The following PTPRM variants were observed in gnomAD, a reference collection of about 807,000 sequenced individuals.
PTPRM encodes protein tyrosine phosphatase receptor type M.
PTPRM carries 47 observed loss-of-function variants against 186.7 expected under a neutral mutation model. The ratio of observed to expected loss-of-function variants is 0.25; its 90% CI spans 0.20 to 0.32. PTPRM has a LOEUF of 0.32. PTPRM is among the 10% of genes least tolerant of loss of function. The probability of loss-of-function intolerance (pLI) is 1.00; values close to 1 mark genes in which losing one functional copy is unlikely to be tolerated. For synonymous variants in PTPRM, 668 were observed against 674.9 expected (o/e 0.99, Z 0.16); for missense variants, 1,494 against 1,865.0 (o/e 0.80, Z 3.66).
At chr18:7,938,574 T>G (rs542927449) in intron 5 of PTPRM, among the ~76,000 whole-genome samples, 2 of 152,332 alleles carry the variant, frequency 1.3e-5, no homozygotes, top group South Asian at 4.1e-4. Context: ...AGTTGGGATA[T>G]TTGATTTTAA....
chr18:8,355,781 G>A (rs1298472592), intron 23 of PTPRM, among the ~76,000 whole-genome samples: 1 of 152,208 alleles, frequency 6.6e-6, no homozygotes, highest in Non-Finnish European at 1.5e-5. Context: ...AGCTCAAAAT[G>A]TTGATGTGAA....
At chr18:7,656,170 G>A (rs1280079003) in intron 1 of PTPRM, among the ~76,000 whole-genome samples, 1 of 152,192 alleles carries the variant, frequency 6.6e-6, no homozygotes, top group African/African-American at 2.4e-5. Flanking sequence ...AAAGGTAGAA[G>A]AAACCCCAGG....
At chr18:7,813,761 CT>C (rs34152885) in intron 2 of PTPRM, among the ~76,000 whole-genome samples, 2 of 149,690 alleles carry the variant, frequency 1.3e-5, no homozygotes, top group Non-Finnish European at 3.0e-5. Context: ...ATTTTTTCAT[CT>C]TTTTTTCCCC....
At chr18:8,393,392 T>C (rs185330850) in intron 31 of PTPRM, among the ~76,000 whole-genome samples, 10 of 152,356 alleles carry the variant, frequency 6.6e-5, no homozygotes, top group African/African-American at 2.2e-4. Context: ...TCTACTTCTG[T>C]GTTCTACATT....
intron 21 of PTPRM, among the ~76,000 whole-genome samples, chr18:8,318,337 C>T (rs2095324364): frequency 7.6e-6 from 1 of 130,740 alleles, no homozygotes; most frequent in South Asian, 2.5e-4. Context: ...CACTTTGTCA[C>T]CCAGGCTGAA....
intron 1 of PTPRM, among the ~76,000 whole-genome samples, chr18:7,665,385 T>G (rs1223571471): frequency 6.6e-6 from 1 of 152,156 alleles, no homozygotes; most frequent in Middle Eastern, 3.2e-3. Flanking sequence ...TTATGTGTAT[T>G]TTGAGATATT....
At chr18:7,981,220 C>T (rs1331752730) in intron 7 of PTPRM, among the ~76,000 whole-genome samples, 1 of 152,154 alleles carries the variant, frequency 6.6e-6, no homozygotes, top group African/African-American at 2.4e-5. Context: ...CTCAGGGAGG[C>T]TTTCCCTAAG....
At chr18:7,814,467 G>A (rs1598851341) in intron 2 of PTPRM, 1 of 152,196 alleles carries the variant, frequency 6.6e-6, no homozygotes, top group East Asian at 1.9e-4. Context: ...ATTTCAACAG[G>A]GGGTAATGAG....
At chr18:7,772,764 C>G (rs1467669295) in intron 1 of PTPRM, among the ~76,000 whole-genome samples, 1 of 152,080 alleles carries the variant, frequency 6.6e-6, no homozygotes, top group African/African-American at 2.4e-5. Context: ...TTTTACTTAT[C>G]TTCTTGCCAA....
intron 2 of PTPRM, among the ~76,000 whole-genome samples, chr18:7,850,677 A>G (rs906894540): frequency 2.6e-5 from 4 of 152,244 alleles, no homozygotes; most frequent in Non-Finnish European, 5.9e-5. Flanking sequence ...ACTGAAGCCA[A>G]GCTTCTGATC....
intron 1 of PTPRM, among the ~76,000 whole-genome samples, chr18:7,772,335 TTCTTTCTTTCTTTC>T (rs1292770441): frequency 0.012 from 1,634 of 141,180 alleles, 30 homozygotes; most frequent in Non-Finnish European, 0.017. Context: ...GTTCTTTCTT[TTCTTTCTTTCTTTC>T]TCTTTCTTTC....
intron 19 of PTPRM, among the ~76,000 whole-genome samples, chr18:8,262,322 T>A (rs1396675277): frequency 6.6e-6 from 1 of 152,242 alleles, no homozygotes; most frequent in Non-Finnish European, 1.5e-5. Flanking sequence ...ATGGATGTTA[T>A]CATGTTTGAC....
chr18:7,630,324 G>A (rs903925310), intron 1 of PTPRM, among the ~76,000 whole-genome samples: 26 of 152,254 alleles, frequency 1.7e-4, no homozygotes, highest in African/African-American at 6.0e-4. Flanking sequence ...GTTTCCCAAA[G>A]GTGATATAGA....
At chr18:8,180,450 G>C (rs906104862) in intron 14 of PTPRM, among the ~76,000 whole-genome samples, 4 of 152,198 alleles carry the variant, frequency 2.6e-5, no homozygotes, top group Non-Finnish European at 2.9e-5. Context: ...AAAGGAAATA[G>C]AGTACACTTG....
intron 7 of PTPRM, among the ~76,000 whole-genome samples, chr18:7,960,587 CA>C (rs2053613984): frequency 6.6e-6 from 1 of 151,212 alleles, no homozygotes; most frequent in African/African-American, 2.4e-5. Context: ...TCCATTGCTA[CA>C]AAAAATTAAA....
chr18:7,876,082 A>G (rs993077434), intron 2 of PTPRM, among the ~76,000 whole-genome samples: 1 of 151,952 alleles, frequency 6.6e-6, no homozygotes, highest in Admixed American at 6.6e-5. Context: ...TATATGGTCC[A>G]TCTTTCGCCA....
chr18:7,817,001 G>A (rs1160755483), intron 2 of PTPRM, among the ~76,000 whole-genome samples: 1 of 149,474 alleles, frequency 6.7e-6, no homozygotes, highest in African/African-American at 2.5e-5. Flanking sequence ...TTGAGATGGG[G>A]TCTCACTCTG....
chr18:8,276,670 G>A (rs916047786), intron 19 of PTPRM, among the ~76,000 whole-genome samples: 3 of 152,134 alleles, frequency 2.0e-5, no homozygotes, highest in African/African-American at 4.8e-5. Flanking sequence ...GTGTCACCAC[G>A]CTCATGAGAG....
intron 32 of PTPRM, among the ~76,000 whole-genome samples, chr18:8,399,278 G>A (rs1414721880): frequency 6.6e-6 from 1 of 152,120 alleles, no homozygotes; most frequent in Admixed American, 6.5e-5. Context: ...AAACCGGGTC[G>A]CTTCTGACTG....
Sources: gnomAD v4.1 joint callset for allele counts (sites outside exome capture counted in the v4.1 genomes callset) on GRCh38, gnomAD v4.1.1 for gene constraint, MANE v1.5 for transcripts, NCBI Gene and HGNC (gene_info 2026-07-23, HGNC 2026-07-21) for gene names.